SRSF10: variants seen among roughly 807,000 people sequenced by gnomAD.
The protein encoded by SRSF10 is serine/arginine-rich splicing factor 10.
A neutral mutation model predicts 32.6 loss-of-function variants in SRSF10; 9 were observed. The observed-to-expected ratio is 0.28, with a 90% CI of 0.17 to 0.48. The LOEUF is 0.48. Among genes scored for constraint, SRSF10 ranks in the 20% least tolerant of loss-of-function variants. The pLI, the probability that SRSF10 is intolerant of heterozygous loss-of-function variation, is 0.99. For missense variants in SRSF10, 201 were observed against 331.8 expected (o/e 0.61, Z 3.06); for synonymous variants, 105 against 112.4 (o/e 0.93, Z 0.42).
At position 23,967,871 on chromosome 1, in the gene SRSF10, G is replaced by A. The variant is rs1641527194; in HGVS notation, c.*3271C>T. 2 of 1,548,372 alleles carry A rather than the reference G, an allele frequency of 1.3e-6. No homozygotes were observed. The highest frequency in any genetic ancestry group is 1.7e-6 in the Non-Finnish European group (2 of 1,146,252). ...AATAGTTCCCAGGTCTTTCCCCTGGGATGTAACTTAACAGCTCATACTCTA... is the reference window on the plus strand; with the variant it reads ...AATAGTTCCCAGGTCTTTCCCCTGGAATGTAACTTAACAGCTCATACTCTA... On this transcript the variant is annotated 3_prime_UTR_variant, in exon 6 of 6. Transcript: ENST00000492112.
In SRSF10 at chr1:23,970,199, C is replaced by G. The variant is rs1218628043; in HGVS notation, c.*943G>C. On this transcript the variant is annotated 3_prime_UTR_variant, in exon 6 of 6. Coordinates refer to ENST00000492112, the MANE Select transcript of SRSF10 (RefSeq NM_054016.4). The stretch of plus-strand genomic sequence containing the variant: ...ATTTTAAGGTGAGTTTTTGTGTTTT[C>G]TATGTTCCAAATCTTCATAGGAACC... 2.0e-6 allele frequency: 2 copies of G among 985,114 alleles called. No individual in the cohort carries two copies. The highest frequency in any genetic ancestry group is 1.2e-4 in the Admixed American group (2 of 16,246). 61.0% of individuals were successfully genotyped at this position (985,114 alleles called of 1,614,324 possible). A position where few individuals can be genotyped will look rare whatever the true frequency, so the allele number is the denominator to read the frequency against.
rs1223020394 is a variant in SRSF10, at chr1:23,964,391, G to A, written c.*6751C>T. Among the ~76,000 whole-genome samples, 1 of 150,684 alleles carries A rather than the reference G, an allele frequency of 6.6e-6. No homozygotes were observed. Among genetic ancestry groups the A allele is most frequent in the Non-Finnish European group, 1.5e-5 (1 of 67,710 alleles). ...TTGGTTAGCCTATATAGAGAATGGT[G>A]ATAGGAATTTCCCAAGTCGATGCAA... On this transcript the variant is annotated 3_prime_UTR_variant, in exon 6 of 6. Coordinates refer to ENST00000492112, the MANE Select transcript of SRSF10 (RefSeq NM_054016.4).
rs1379589331 is a variant in SRSF10, at chr1:23,972,955, G to C, written c.275-943C>G. ...GGGTTTCTCCATGTTGGTCAGGCTG[G>C]ACTTGAACTCCTGACCTCAGGTGAT... On this transcript the variant is annotated intron_variant, in intron 3 of 5. Transcript: ENST00000492112. Among the ~76,000 whole-genome samples the C allele has an allele frequency of 2.0e-5, 3 of 152,094 alleles. No homozygotes were observed. In the East Asian group the frequency reaches 5.8e-4, roughly 29 times the overall value.
Position 23,969,637 on chromosome 1 carries a change from G to A in SRSF10, c.*1505C>T. 1.0e-6 allele frequency: 1 copy of A among 985,136 alleles called. No individual in the cohort carries two copies. Among genetic ancestry groups the A allele is most frequent in the Non-Finnish European group, 1.2e-6 (1 of 829,654 alleles). 61.0% of individuals were successfully genotyped at this position (985,136 alleles called of 1,614,324 possible). On this transcript the variant is annotated 3_prime_UTR_variant, in exon 6 of 6. Transcript: ENST00000492112. Reference sequence around the variant, plus strand: ...AAGCAAGCAATCTGAGATTTTTAAAGATGCTAGCTTTTTATTCTGAAATGA... The same window carrying A: ...AAGCAAGCAATCTGAGATTTTTAAAAATGCTAGCTTTTTATTCTGAAATGA...
At chr1:23,971,504 A>AT in intron 5 of SRSF10, 65 bp from the exon 6 acceptor site, 2 of 1,588,848 alleles carry the variant, frequency 1.3e-6, no homozygotes, top group African/African-American at 2.7e-5. Context: ...CAAATTTGTT[A>AT]TTTTTAGAGC....
Position 23,971,576 on chromosome 1 carries a change from T to G in SRSF10, c.488A>C (p.Asp163Ala). The change falls in exon 5 of 6, where the codon GAT (aspartate) becomes GCT (alanine). Residue 163 changes from aspartate to alanine, a missense_variant. Asp to Ala is a moderately radical substitution (Grantham distance 126). Coordinates refer to ENST00000492112, the MANE Select transcript of SRSF10 (RefSeq NM_054016.4). ...TTTTCAAAGCAAAGTTATTTACCTA[T>G]CATTGTCGGAATGGCTTCTGCTACG... Reference protein sequence around the residue: ...PRRSRSHSDNDRFKHRNRSFS... With the variant: ...PRRSRSHSDNARFKHRNRSFS... 1.2e-6 allele frequency: 2 copies of G among 1,610,408 alleles called. No homozygotes were observed. Among genetic ancestry groups the G allele is most frequent in the East Asian group, 2.2e-5 (1 of 44,862 alleles).
At chr1:23,978,524 A>G (rs1446876643) in intron 2 of SRSF10, 189 bp downstream of exon 2, 2 of 784,384 alleles carry the variant, frequency 2.5e-6, no homozygotes, top group South Asian at 3.1e-5. Flanking sequence ...GGGAATTTAT[A>G]TATTTTACCA....
intron 2 of SRSF10, chr1:23,976,378 T>C (rs1187516122): frequency 6.6e-6 from 1 of 152,190 alleles, no homozygotes; most frequent in Non-Finnish European, 1.5e-5. Flanking sequence ...CCCGAGGCCA[T>C]TATGAACAGA....
chr1:23,971,922 C>A lies in SRSF10; in HGVS notation c.365G>T (p.Arg122Leu). The A allele has an allele frequency of 6.2e-7, 1 of 1,601,780 alleles. No individual in the cohort carries two copies. The highest frequency in any genetic ancestry group is 1.8e-5 in the Admixed American group (1 of 56,068). ...DYDRYRRSRSRSYERRRSRSR... is the reference protein window; with the variant it reads ...DYDRYRRSRSLSYERRRSRSR... ...TCTTGATCTCCTCCTTTCATAACTT[C>A]GGCTTCTAGAACGTCTGTATCTGTC... is the stretch of plus-strand genomic sequence containing the variant. Residue 122 changes from arginine (R) to leucine (L), a missense_variant, in exon 4 of 6, where the codon CGA (arginine) becomes CTA (leucine). This residue lies in a region of SRSF10 where 159 missense variants were observed against 196.7 expected (regional missense o/e 0.81). Coordinates refer to ENST00000492112, the MANE Select transcript of SRSF10 (RefSeq NM_054016.4).
intron 2 of SRSF10, chr1:23,976,563 C>G (rs1642104155): frequency 6.6e-6 from 1 of 152,074 alleles, no homozygotes; most frequent in South Asian, 2.1e-4. Context: ...CTTTGTTACC[C>G]CAAGAGACAG....
At chr1:23,980,108 G>T in intron 1 of SRSF10, 83 bp downstream of exon 1, 1 of 1,394,026 alleles carries the variant, frequency 7.2e-7, no homozygotes, top group Non-Finnish European at 9.6e-7. Flanking sequence ...CCCCTCCCCC[G>T]GCCCAGTGCC....
chr1:23,970,524 A>G lies in SRSF10; in HGVS notation c.*618T>C. 1.9e-6 allele frequency: 1 copy of G among 517,298 alleles called. No individual in the cohort carries two copies. The highest frequency in any genetic ancestry group is 2.5e-6 in the Non-Finnish European group (1 of 403,322). The allele number at this position is 517,298 out of a possible 1,614,324, so 32.0% of individuals were successfully genotyped here. A position where few individuals can be genotyped will look rare whatever the true frequency, so the allele number is the denominator to read the frequency against. On this transcript the variant is annotated 3_prime_UTR_variant, in exon 6 of 6. Transcript: ENST00000492112. ...TACAGGCATGTGCCACCATGCCCGG[A>G]TAATTTTTGTATTTTTAGTAGAGAC... is the stretch of plus-strand genomic sequence containing the variant.
At chr1:23,978,880 TA>T in intron 1 of SRSF10, 63 bp from the exon 2 acceptor site, 2 of 1,389,134 alleles carry the variant, frequency 1.4e-6, no homozygotes, top group Non-Finnish European at 2.0e-6. Flanking sequence ...ATAGGCAATA[TA>T]TCTTTTTGAT....
Position 23,969,667 on chromosome 1 carries a change from G to C in SRSF10, c.*1475C>G. ...TAGCTTTTTATTCTGAAATGAAATTGGACATGTCAAGTCACTTTTGTCCCC... is the reference window on the plus strand; with the variant it reads ...TAGCTTTTTATTCTGAAATGAAATTCGACATGTCAAGTCACTTTTGTCCCC... On this transcript the variant is annotated 3_prime_UTR_variant, in exon 6 of 6. Coordinates refer to ENST00000492112, the MANE Select transcript of SRSF10 (RefSeq NM_054016.4). The C allele has an allele frequency of 1.0e-6, 1 of 984,812 alleles. No individual in the cohort carries two copies. Among genetic ancestry groups the C allele is most frequent in the African/African-American group, 1.7e-5 (1 of 57,358 alleles). The allele number at this position is 984,812 out of a possible 1,614,324, so 61.0% of individuals were successfully genotyped here.
chr1:23,971,630 A>C lies in SRSF10; in HGVS notation c.438-4T>G. On this transcript the variant is annotated splice_polypyrimidine_tract_variant and splice_region_variant and intron_variant, in intron 4 of 5. Coordinates refer to ENST00000492112, the MANE Select transcript of SRSF10 (RefSeq NM_054016.4). ...TGGTCTTCCAGTCGGTCTACTGCTAAAAAGCATATCAGAAAAAGCAGTGAC... is the reference window on the plus strand; with the variant it reads ...TGGTCTTCCAGTCGGTCTACTGCTACAAAGCATATCAGAAAAAGCAGTGAC... 1 of 1,609,532 alleles carries C rather than the reference A, an allele frequency of 6.2e-7. No homozygotes were observed. Among genetic ancestry groups the C allele is most frequent in the East Asian group, 2.2e-5 (1 of 44,844 alleles).
At chr1:23,974,331 C>T (rs1641953361) in intron 3 of SRSF10, among the ~76,000 whole-genome samples, 1 of 152,196 alleles carries the variant, frequency 6.6e-6, no homozygotes, top group Non-Finnish European at 1.5e-5. Flanking sequence ...AATTCACACA[C>T]AGGTCTTTTT....
chr1:23,979,107 T>G (rs1468263540), intron 1 of SRSF10, among the ~76,000 whole-genome samples: 1 of 147,622 alleles, frequency 6.8e-6, no homozygotes, highest in Non-Finnish European at 1.5e-5. Context: ...TCTAGCACTC[T>G]GAAAAATACC....
At chr1:23,978,659 T>C in intron 2 of SRSF10, 54 bp downstream of exon 2, 2 of 1,554,968 alleles carry the variant, frequency 1.3e-6, no homozygotes, top group Non-Finnish European at 1.7e-6. Context: ...TTACATAAAC[T>C]TGAATTTCAA....
chr1:23,980,061 G>C, intron 1 of SRSF10, 130 bp downstream of exon 1: 2 of 1,050,352 alleles, frequency 1.9e-6, no homozygotes, highest in Non-Finnish European at 2.6e-6. Context: ...CTAGTTCGGC[G>C]CCAAAGCGGG....
Sources: gnomAD v4.1 joint callset for allele counts (sites outside exome capture counted in the v4.1 genomes callset) on GRCh38, gnomAD v4.1.1 for gene constraint, gnomAD v4.1.1 regional missense constraint, MANE v1.5 for transcripts, NCBI Gene and HGNC (gene_info 2026-07-23, HGNC 2026-07-21) for gene names.